The following SNAPC1 variants were observed in gnomAD, a reference collection of about 807,000 sequenced individuals.
SNAPC1 encodes the protein small nuclear RNA activating complex polypeptide 1, also known as snRNA-activating protein complex subunit 1.
Under a neutral mutation model 50.1 loss-of-function variants are expected in SNAPC1, and 42 were observed. The observed-to-expected ratio is 0.84, with a 90% CI of 0.65 to 1.08. The LOEUF (loss-of-function observed/expected upper bound fraction) is 1.08, where lower values mean the gene tolerates loss of function less well. Among genes scored for constraint, SNAPC1 ranks in the 50% least tolerant of loss-of-function variants. The pLI is 0.00. For synonymous variants in SNAPC1, 164 were observed against 144.2 expected (o/e 1.14, Z -0.98); for missense variants, 477 against 427.3 (o/e 1.12, Z -1.02).
At chr14:61,780,821 T>C (rs1435772464) in intron 7 of SNAPC1, among the ~76,000 whole-genome samples, 2 of 152,152 alleles carry the variant, frequency 1.3e-5, no homozygotes, top group South Asian at 2.1e-4. Flanking sequence ...CATTCTGTTT[T>C]GGTTACTGTA....
At chr14:61,764,266 G>A (rs1236041793) in intron 1 of SNAPC1, among the ~76,000 whole-genome samples, 1 of 152,170 alleles carries the variant, frequency 6.6e-6, no homozygotes, top group Non-Finnish European at 1.5e-5. Context: ...TATTAAAAAG[G>A]CGAAATAACT....
chr14:61,779,805 T>C (rs542793686), intron 7 of SNAPC1, among the ~76,000 whole-genome samples: 51 of 150,518 alleles, frequency 3.4e-4, no homozygotes, highest in African/African-American at 1.2e-3. Context: ...GCTTCCCAGG[T>C]TCAAGTGATT....
At chr14:61,784,582 G>A (rs1310327239) in intron 8 of SNAPC1, among the ~76,000 whole-genome samples, 3 of 152,150 alleles carry the variant, frequency 2.0e-5, no homozygotes, top group East Asian at 1.9e-4. Context: ...CTCTACCATC[G>A]TAATGTGAAA....
At chr14:61,769,300 G>A (rs2044970843) in intron 4 of SNAPC1, among the ~76,000 whole-genome samples, 1 of 151,612 alleles carries the variant, frequency 6.6e-6, no homozygotes, top group Non-Finnish European at 1.5e-5. Flanking sequence ...AGGTTGCAGT[G>A]AGCTGAGATC....
At chr14:61,768,494 A>G in intron 3 of SNAPC1, 142 bp from the exon 4 acceptor site, 1 of 543,708 alleles carries the variant, frequency 1.8e-6, no homozygotes, top group East Asian at 2.9e-5. Context: ...GAACGTGGAT[A>G]TTTAACAGAT....
intron 8 of SNAPC1, among the ~76,000 whole-genome samples, chr14:61,784,836 A>C (rs887136818): frequency 6.6e-6 from 1 of 152,242 alleles, no homozygotes; most frequent in Non-Finnish European, 1.5e-5. Context: ...CGTTGCTCTT[A>C]AAGAGCTAGT....
intron 8 of SNAPC1, 145 bp from the exon 9 acceptor site, chr14:61,792,662 G>T (rs2045160848): frequency 2.4e-6 from 1 of 422,466 alleles, no homozygotes; most frequent in Non-Finnish European, 4.3e-6. Context: ...AGGTATTCTA[G>T]AATGCGTATT....
intron 1 of SNAPC1, among the ~76,000 whole-genome samples, chr14:61,765,707 C>T (rs1019555299): frequency 6.6e-6 from 1 of 152,124 alleles, no homozygotes; most frequent in Non-Finnish European, 1.5e-5. Context: ...CCTTAGTGAT[C>T]TTGGGTGCCC....
At chr14:61,785,166 G>A (rs907484862) in intron 8 of SNAPC1, among the ~76,000 whole-genome samples, 2 of 152,148 alleles carry the variant, frequency 1.3e-5, no homozygotes, top group Non-Finnish European at 2.9e-5. Flanking sequence ...ACTTTGGGAG[G>A]CTGAGGCAGG....
In SNAPC1 at chr14:61,795,392, G is replaced by A. The variant is rs1020921803; in HGVS notation, c.*409G>A. 1 of 152,578 alleles carries A rather than the reference G, an allele frequency of 6.6e-6. No individual in the cohort carries two copies. Among genetic ancestry groups the A allele is most frequent in the Non-Finnish European group, 1.5e-5 (1 of 68,226 alleles). 9.5% of individuals were successfully genotyped at this position (152,578 alleles called of 1,614,324 possible). ...AATAACTATTTTGTATCTACAGTCG[G>A]ATAATGGATTTTTTATTTTGTATAT... On this transcript the variant is annotated 3_prime_UTR_variant, in exon 10 of 10. Coordinates refer to ENST00000216294, the MANE Select transcript of SNAPC1 (RefSeq NM_003082.4).
At chr14:61,783,238 C>G (rs2045090522) in intron 8 of SNAPC1, among the ~76,000 whole-genome samples, 1 of 151,672 alleles carries the variant, frequency 6.6e-6, no homozygotes, top group Admixed American at 6.6e-5. Flanking sequence ...ACCATGTTGG[C>G]CAGGCCGGTC....
intron 6 of SNAPC1, 44 bp downstream of exon 6, chr14:61,778,184 G>A: frequency 8.7e-7 from 1 of 1,145,202 alleles, no homozygotes; most frequent in South Asian, 1.3e-5. Context: ...CTGTGATTCT[G>A]TATACTGAGC....
intron 4 of SNAPC1, 39 bp downstream of exon 4, chr14:61,768,779 T>G (rs1227726124): frequency 1.8e-6 from 2 of 1,109,274 alleles, no homozygotes; most frequent in East Asian, 2.4e-5. Context: ...TTTTAAAAAT[T>G]GTTTTATTGC....
chr14:61,792,672 TTC>T (rs1370388665), intron 8 of SNAPC1, 133 bp from the exon 9 acceptor site: 3 of 458,186 alleles, frequency 6.5e-6, no homozygotes, highest in Non-Finnish European at 1.2e-5. Flanking sequence ...GAATGCGTAT[TTC>T]TGTTACCATT....
Position 61,784,105 on chromosome 14 carries a change from C to G in SNAPC1, c.976+1708C>G, listed in dbSNP as rs544622110. On this transcript the variant is annotated intron_variant, in intron 8 of 9. Coordinates refer to ENST00000216294, the MANE Select transcript of SNAPC1 (RefSeq NM_003082.4). ...TAATATGTCCCAGATATGATTAAGT[C>G]GTGTAACAGTAGCTTGAAGTGCACT... is the stretch of plus-strand genomic sequence containing the variant. 4.1e-5 allele frequency among the ~76,000 whole-genome samples: 6 copies of G among 147,030 alleles called. No homozygotes were observed. In the Admixed American group the frequency reaches 4.2e-4, roughly 10 times the overall value.
chr14:61,777,855 C>T (rs992775185), intron 5 of SNAPC1, among the ~76,000 whole-genome samples: 2 of 152,314 alleles, frequency 1.3e-5, no homozygotes, highest in South Asian at 2.1e-4. Flanking sequence ...AAGACTACCA[C>T]ATGAGTTAGG....
chr14:61,770,133 C>T (rs145222752), intron 4 of SNAPC1, among the ~76,000 whole-genome samples: 22 of 152,132 alleles, frequency 1.4e-4, no homozygotes, highest in African/African-American at 5.1e-4. Flanking sequence ...ATGTTAATTC[C>T]CTTTTTCTCC....
intron 1 of SNAPC1, among the ~76,000 whole-genome samples, chr14:61,765,027 A>G (rs1217729958): frequency 6.6e-6 from 1 of 152,322 alleles, no homozygotes; most frequent in South Asian, 2.1e-4. Flanking sequence ...CACTCGCATC[A>G]ACACTTTGAG....
intron 1 of SNAPC1, among the ~76,000 whole-genome samples, chr14:61,764,165 T>G (rs936781017): frequency 7.2e-5 from 11 of 152,200 alleles, no homozygotes; most frequent in Non-Finnish European, 1.5e-4. Flanking sequence ...TGTTCATTAT[T>G]ACTACCGTTT....
Sources: gnomAD v4.1 joint callset for allele counts (sites outside exome capture counted in the v4.1 genomes callset) on GRCh38, gnomAD v4.1.1 for gene constraint, MANE v1.5 for transcripts, NCBI Gene and HGNC (gene_info 2026-07-23, HGNC 2026-07-21) for gene names.